The following EYS variants were observed in gnomAD, a reference collection of about 807,000 sequenced individuals.
The protein encoded by EYS is protein eyes shut homolog.
A neutral mutation model predicts 282.1 loss-of-function variants in EYS; 250 were observed. That is an observed-to-expected ratio of 0.89 (90% CI 0.80 to 0.98). The LOEUF (loss-of-function observed/expected upper bound fraction) is 0.98. Among genes scored for constraint, EYS ranks in the 50% least tolerant of loss-of-function variants. The pLI is 0.00. For missense variants in EYS, 4,016 were observed against 3,709.0 expected (o/e 1.08, Z -2.15); for synonymous variants, 1,355 against 1,282.9 (o/e 1.06, Z -1.20).
At chr6:63,969,011 G>T (rs1339883444) in intron 35 of EYS, among the ~76,000 whole-genome samples, 1 of 152,176 alleles carries the variant, frequency 6.6e-6, no homozygotes, top group Non-Finnish European at 1.5e-5. Context: ...AGCTTGTGGT[G>T]ATGATGCACA....
intron 22 of EYS, among the ~76,000 whole-genome samples, chr6:64,717,954 G>T (rs1219656128): frequency 6.6e-6 from 1 of 152,164 alleles, no homozygotes; most frequent in Non-Finnish European, 1.5e-5. Flanking sequence ...GATGAATGCA[G>T]AGAGGAAAGA....
At chr6:64,779,056 A>G (rs989970774) in intron 22 of EYS, among the ~76,000 whole-genome samples, 5 of 152,162 alleles carry the variant, frequency 3.3e-5, no homozygotes, top group Non-Finnish European at 5.9e-5. Context: ...TGCAAAAATG[A>G]TACAACCACT....
intron 31 of EYS, among the ~76,000 whole-genome samples, chr6:64,224,680 G>T (rs893808993): frequency 6.6e-6 from 1 of 152,044 alleles, no homozygotes; most frequent in African/African-American, 2.4e-5. Flanking sequence ...CTTTGTTTAT[G>T]GAAATGTTTT....
chr6:65,389,991 T>C (rs1765954847), intron 7 of EYS, among the ~76,000 whole-genome samples: 1 of 152,058 alleles, frequency 6.6e-6, no homozygotes, highest in South Asian at 2.1e-4. Flanking sequence ...GTCCTGTTGC[T>C]TTTTTAAAAA....
chr6:65,200,833 TA>T (rs1227133859), intron 12 of EYS, among the ~76,000 whole-genome samples: 3 of 151,908 alleles, frequency 2.0e-5, no homozygotes, highest in African/African-American at 7.3e-5. Flanking sequence ...TAAATAGTAA[TA>T]AAATCAAATA....
intron 35 of EYS, among the ~76,000 whole-genome samples, chr6:63,948,986 T>A (rs1765483793): frequency 6.6e-6 from 1 of 152,226 alleles, no homozygotes; most frequent in African/African-American, 2.4e-5. Flanking sequence ...TTCAGAATTG[T>A]TCAGTTACTA....
chr6:65,351,005 G>A (rs9453260), intron 9 of EYS, among the ~76,000 whole-genome samples: 136,651 of 151,752 alleles, frequency 0.9, 61,842 homozygotes, highest in Non-Finnish European at 0.95. Flanking sequence ...TCGTGAGGAA[G>A]AAGTAAAAGA....
intron 19 of EYS, among the ~76,000 whole-genome samples, chr6:64,833,125 T>C (rs1765274926): frequency 1.3e-5 from 2 of 151,940 alleles, no homozygotes. Context: ...TATGCATACC[T>C]TATTTCTTGT....
At chr6:63,986,843 C>T (rs1767390738) in intron 34 of EYS, among the ~76,000 whole-genome samples, 1 of 151,456 alleles carries the variant, frequency 6.6e-6, no homozygotes. Flanking sequence ...GCTTAATTCC[C>T]AGGTGATGAA....
At chr6:65,692,232 G>A (rs1208447181) in intron 1 of EYS, among the ~76,000 whole-genome samples, 1 of 150,112 alleles carries the variant, frequency 6.7e-6, no homozygotes, top group Non-Finnish European at 1.5e-5. Context: ...AGTGAACATA[G>A]AGCGTGGAAT....
intron 5 of EYS, among the ~76,000 whole-genome samples, chr6:65,465,547 G>A (rs1165947365): frequency 6.6e-6 from 1 of 151,664 alleles, no homozygotes; most frequent in East Asian, 1.9e-4. Context: ...TGGAAAAGAA[G>A]GGTAACATAA....
chr6:64,675,920 T>G (rs1769645363), intron 22 of EYS, among the ~76,000 whole-genome samples: 1 of 150,916 alleles, frequency 6.6e-6, no homozygotes, highest in South Asian at 2.1e-4. Context: ...TAAATGGCTC[T>G]CTCTCTCTCC....
chr6:64,203,615 T>C (rs1765535322), intron 31 of EYS, among the ~76,000 whole-genome samples: 3 of 152,188 alleles, frequency 2.0e-5, no homozygotes, highest in South Asian at 4.2e-4. Context: ...TGTTTTAAGA[T>C]TGAATGTGTT....
chr6:63,727,737 A>AAAAATATATATATATATATATAT (rs1554164607), intron 41 of EYS, among the ~76,000 whole-genome samples: 7 of 36,712 alleles, frequency 1.9e-4, no homozygotes, highest in African/African-American at 5.3e-4. Flanking sequence ...AAAAAAAAAA[A>AAAAATATATATATATATATATAT]ATATATATAT....
intron 26 of EYS, among the ~76,000 whole-genome samples, chr6:64,445,837 G>C (rs938636131): frequency 2.0e-5 from 3 of 152,182 alleles, no homozygotes; most frequent in African/African-American, 7.2e-5. Context: ...GAAGCCCTCT[G>C]TTGGAGATGA....
At chr6:64,488,473 G>A (rs1776642180) in intron 26 of EYS, among the ~76,000 whole-genome samples, 1 of 151,044 alleles carries the variant, frequency 6.6e-6, no homozygotes, top group Non-Finnish European at 1.5e-5. Flanking sequence ...TGTTGTAATA[G>A]ACTATTGTTA....
intron 36 of EYS, among the ~76,000 whole-genome samples, chr6:63,843,366 C>T (rs138690052): frequency 2.3e-4 from 35 of 152,044 alleles, no homozygotes; most frequent in Non-Finnish European, 3.4e-4. Context: ...CTCTTTGTAG[C>T]GATTGTGAAT....
At chr6:63,804,119 C>T (rs376084097) in intron 37 of EYS, among the ~76,000 whole-genome samples, 7 of 152,198 alleles carry the variant, frequency 4.6e-5, no homozygotes, top group African/African-American at 9.6e-5. Context: ...TGGGTTCAAG[C>T]GATTCTCATG....
At chr6:65,002,242 G>A (rs1771488788) in intron 13 of EYS, among the ~76,000 whole-genome samples, 1 of 147,364 alleles carries the variant, frequency 6.8e-6, no homozygotes, top group Non-Finnish European at 1.5e-5. Flanking sequence ...GTGGGTTTGA[G>A]CTCAGAAATG....
Sources: gnomAD v4.1 joint callset for allele counts (sites outside exome capture counted in the v4.1 genomes callset) on GRCh38, gnomAD v4.1.1 for gene constraint, MANE v1.5 for transcripts, NCBI Gene and HGNC (gene_info 2026-07-23, HGNC 2026-07-21) for gene names.